Variants in EHMT1 observed in about 807,000 individuals in gnomAD.
EHMT1 encodes the protein euchromatic histone lysine methyltransferase 1, also known as histone-lysine N-methyltransferase EHMT1.
Under a neutral mutation model 147.2 loss-of-function variants are expected in EHMT1, and 15 were observed. The observed-to-expected ratio is 0.10, with a 90% CI of 0.07 to 0.16. The LOEUF (loss-of-function observed/expected upper bound fraction) is 0.16. Ranked by LOEUF, EHMT1 falls within the 10% of genes least tolerant of loss-of-function variation. The pLI, the probability that EHMT1 is intolerant of heterozygous loss-of-function variation, is 1.00. For synonymous variants in EHMT1, 795 were observed against 709.6 expected (o/e 1.12, Z -1.91); for missense variants, 1,587 against 1,772.4 (o/e 0.90, Z 1.88).
At chr9:137,655,984 A>G (rs189588369) in intron 1 of EHMT1, among the ~76,000 whole-genome samples, 4 of 152,332 alleles carry the variant, frequency 2.6e-5, no homozygotes, top group Admixed American at 6.5e-5. Context: ...TGATATATCT[A>G]CTTTATGAAA....
chr9:137,791,441 C>G (rs1180167149), intron 16 of EHMT1, among the ~76,000 whole-genome samples: 1 of 152,120 alleles, frequency 6.6e-6, no homozygotes, highest in African/African-American at 2.4e-5. Flanking sequence ...ACAAAAAAAT[C>G]AGTTGCATTT....
intron 1 of EHMT1, among the ~76,000 whole-genome samples, chr9:137,672,563 G>A (rs927680129): frequency 7.9e-5 from 12 of 152,242 alleles, no homozygotes; most frequent in African/African-American, 2.2e-4. Flanking sequence ...AGAGTGTGAC[G>A]TGGTCTTGAG....
At position 137,717,175 on chromosome 9, in the gene EHMT1, T is replaced by C; in HGVS notation, c.635T>C (p.Val212Ala). 1 of 1,612,022 alleles carries C rather than the reference T, an allele frequency of 6.2e-7. No individual in the cohort carries two copies. Among genetic ancestry groups the C allele is most frequent in the Non-Finnish European group, 8.5e-7 (1 of 1,179,978 alleles). Residue 212 changes from valine to alanine, a missense_variant, in exon 3 of 27, where the codon GTG (valine) becomes GCG (alanine). Val to Ala is a moderately conservative substitution (Grantham distance 64). Transcript: ENST00000460843. Reference protein sequence around the residue: ...RARKTMPKSVVGLHAASKDPR... With the variant: ...RARKTMPKSVAGLHAASKDPR... ...CGCAAGACCATGCCGAAGTCCGTCG[T>C]GGGCCTGGTAATTTTGTGTCTTCTC...
intron 9 of EHMT1, among the ~76,000 whole-genome samples, chr9:137,759,708 A>G (rs1009864428): frequency 6.6e-6 from 1 of 152,132 alleles, no homozygotes; most frequent in South Asian, 2.1e-4. Context: ...CATGCTCTTG[A>G]TGTAGATCAT....
rs938911981 is a variant in EHMT1, at chr9:137,813,618, C to T, written c.3180+88C>T. The T allele has an allele frequency of 3.2e-6, 5 of 1,573,628 alleles. No individual in the cohort carries two copies. In the South Asian group the frequency reaches 5.7e-5, roughly 18 times the overall value. ...AGCCTGGGGTCCTGGGTTCTCACCA[C>T]TCAGAGCAGGAGGGCTTATGGGGGG... On this transcript the variant is annotated intron_variant, in intron 21 of 26. Coordinates refer to ENST00000460843, the MANE Select transcript of EHMT1 (RefSeq NM_024757.5). The surrounding 1 kb of genome is among the most constrained non-coding windows in gnomAD (Gnocchi z 4.9).
At chr9:137,720,431 G>C (rs1945834136) in intron 3 of EHMT1, among the ~76,000 whole-genome samples, 1 of 151,994 alleles carries the variant, frequency 6.6e-6, no homozygotes, top group Non-Finnish European at 1.5e-5. Flanking sequence ...TGCCTCCTGA[G>C]TAGCTGGGTT....
intron 1 of EHMT1, among the ~76,000 whole-genome samples, chr9:137,635,247 C>T (rs559676938): frequency 5.3e-5 from 8 of 151,844 alleles, no homozygotes; most frequent in South Asian, 2.1e-4. Flanking sequence ...TGCACTGTCA[C>T]CTGGGCTGGA....
At chr9:137,802,803 TA>T in intron 18 of EHMT1, 12 of 1,231,700 alleles carry the variant, frequency 9.7e-6, no homozygotes, top group Non-Finnish European at 1.2e-5. Context: ...TCCATGACTG[TA>T]TCCAGGGGGT....
intron 15 of EHMT1, among the ~76,000 whole-genome samples, chr9:137,789,887 G>C (rs746376896): frequency 6.6e-6 from 1 of 152,150 alleles, no homozygotes; most frequent in Non-Finnish European, 1.5e-5. Context: ...CAGGCACCAC[G>C]CCTGGTTAAT....
chr9:137,796,274 A>G (rs1952937069), intron 16 of EHMT1, among the ~76,000 whole-genome samples: 1 of 152,198 alleles, frequency 6.6e-6, no homozygotes, highest in Non-Finnish European at 1.5e-5. Flanking sequence ...CACAAAAATG[A>G]TTGACAAAGT....
At chr9:137,743,207 C>A in intron 4 of EHMT1, 164 bp from the exon 5 acceptor site, 1 of 709,972 alleles carries the variant, frequency 1.4e-6, no homozygotes, top group Non-Finnish European at 2.3e-6. Flanking sequence ...GGGAAGGATG[C>A]CTGTCACTGT....
chr9:137,628,395 A>G (rs536571554), intron 1 of EHMT1, among the ~76,000 whole-genome samples: 1 of 152,144 alleles, frequency 6.6e-6, no homozygotes, highest in Admixed American at 6.6e-5. Context: ...ATCAGAATCA[A>G]TTTTTCTTTT....
chr9:137,762,757 G>A lies in EHMT1; in HGVS notation c.1584G>A (p.Lys528=), dbSNP rs1949927482. The change falls in exon 10 of 27, where the codon AAG becomes AAA. Residue 528 remains lysine, a synonymous_variant. Transcript: ENST00000460843. ...GCAGCTGCCGGATGGAAACACCGAA[G>A]AGTCGAGAGATCACCACACTGGCCA... ...PLCSCRMETP[K]SREITTLANN... is the part of the protein sequence containing the mutation. The A allele has an allele frequency of 6.2e-7, 1 of 1,614,262 alleles. No homozygotes were observed. Among genetic ancestry groups the A allele is most frequent in the Middle Eastern group, 1.6e-4 (1 of 6,062 alleles).
intron 1 of EHMT1, among the ~76,000 whole-genome samples, chr9:137,692,894 T>C (rs1943064882): frequency 6.6e-6 from 1 of 151,470 alleles, no homozygotes; most frequent in South Asian, 2.1e-4. Context: ...GTGCGGGCAG[T>C]GGTAGGGTGT....
chr9:137,782,371 G>C lies in EHMT1; in HGVS notation c.2356G>C (p.Val786Leu), dbSNP rs398124405. The C allele has an allele frequency of 2.5e-6, 4 of 1,611,554 alleles. No individual in the cohort carries two copies. The highest frequency in any genetic ancestry group is 3.4e-6 in the Non-Finnish European group (4 of 1,179,726). The change falls in exon 15 of 27, where the codon GTG becomes CTG. Residue 786 changes from valine (V) to leucine (L), a missense_variant. Transcript: ENST00000460843. The surrounding 1 kb of genome is among the most constrained non-coding windows in gnomAD (Gnocchi z 5.7). Reference protein sequence around the residue: ...PLHAAAEAGHVDICHMLVQAG... With the variant: ...PLHAAAEAGHLDICHMLVQAG... ...GCACGCCGCGGCAGAGGCTGGACACGTGGACATCTGCCACATGCTGGTTCA... is the reference window on the plus strand; with the variant it reads ...GCACGCCGCGGCAGAGGCTGGACACCTGGACATCTGCCACATGCTGGTTCA...
At chr9:137,694,047 AC>A (rs1280747704) in intron 1 of EHMT1, among the ~76,000 whole-genome samples, 8 of 82,066 alleles carry the variant, frequency 9.7e-5, no homozygotes, top group Admixed American at 1.3e-4. Context: ...GCTGGCCGAT[AC>A]CCCCCACACA....
intron 1 of EHMT1, among the ~76,000 whole-genome samples, chr9:137,697,698 CTTG>C (rs1943505485): frequency 6.6e-6 from 1 of 152,066 alleles, no homozygotes; most frequent in Non-Finnish European, 1.5e-5. Flanking sequence ...TTCTTGCATC[CTTG>C]TAAAATAAAG....
chr9:137,745,734 G>A (rs1948492360), intron 6 of EHMT1: 1 of 393,974 alleles, frequency 2.5e-6, no homozygotes, highest in African/African-American at 2.1e-5. Context: ...GGTATTCAGT[G>A]TCACAGTTTT....
At position 137,730,826 on chromosome 9, in the gene EHMT1, C is replaced by T. The variant is rs115530661; in HGVS notation, c.823+2297C>T. On this transcript the variant is annotated intron_variant, in intron 4 of 26. Transcript: ENST00000460843. ...TTCCCAGGGCCGGAATCGGCTTTCT[C>T]CAGGGAGCCCTGGTTCTTTTCATTG... is the stretch of plus-strand genomic sequence containing the variant. Among the ~76,000 whole-genome samples, 833 of 152,358 alleles carry T rather than the reference C, an allele frequency of 5.5e-3. 8 individuals carry two copies. Among genetic ancestry groups the T allele is most frequent in the African/African-American group, 0.018 (733 of 41,584 alleles).
Sources: allele counts gnomAD v4.1 joint callset (sites outside exome capture counted in the v4.1 genomes callset), GRCh38; gene constraint gnomAD v4.1.1; non-coding constraint Gnocchi (gnomAD v3.1); transcripts MANE v1.5; gene names NCBI Gene and HGNC (gene_info 2026-07-23, HGNC 2026-07-21).